The following PLEKHG1 variants were observed in gnomAD, a reference collection of about 807,000 sequenced individuals.
The protein encoded by PLEKHG1 is pleckstrin homology domain-containing family G member 1.
In PLEKHG1, 44 loss-of-function variants were observed where a neutral mutation model predicts 100.8. The observed-to-expected ratio is 0.44, with a 90% confidence interval of 0.34 to 0.56. PLEKHG1 has a LOEUF of 0.56. PLEKHG1 is among the 20% of genes least tolerant of loss of function. The pLI is 0.01. For missense variants in PLEKHG1, 1,545 were observed against 1,720.9 expected (o/e 0.90, Z 1.81); for synonymous variants, 640 against 662.5 (o/e 0.97, Z 0.52).
At chr6:150,649,915 G>A (rs563188384) in intron 2 of PLEKHG1, among the ~76,000 whole-genome samples, 19 of 152,308 alleles carry the variant, frequency 1.2e-4, no homozygotes, top group African/African-American at 4.6e-4. Context: ...GGGAGGCTGA[G>A]GCAGCAGAAT....
chr6:150,822,706 G>T (rs1230982932), intron 13 of PLEKHG1, among the ~76,000 whole-genome samples: 1 of 152,214 alleles, frequency 6.6e-6, no homozygotes, highest in Non-Finnish European at 1.5e-5. Flanking sequence ...CAGGCTGGGC[G>T]TGGTGGCTCA....
chr6:150,816,772 T>C (rs1336075789), intron 10 of PLEKHG1, among the ~76,000 whole-genome samples: 1 of 152,144 alleles, frequency 6.6e-6, no homozygotes, highest in Non-Finnish European at 1.5e-5. Context: ...AGCAATTGAT[T>C]TATTATGGTC....
intron 2 of PLEKHG1, among the ~76,000 whole-genome samples, chr6:150,750,283 T>A (rs78591108): frequency 0.027 from 4,154 of 152,236 alleles, 183 homozygotes; most frequent in African/African-American, 0.095. Flanking sequence ...GAGGAACAGC[T>A]GAAAACTAGG....
At chr6:150,614,151 T>C (rs992464808) in intron 1 of PLEKHG1, among the ~76,000 whole-genome samples, 4 of 152,210 alleles carry the variant, frequency 2.6e-5, no homozygotes, top group Non-Finnish European at 4.4e-5. Flanking sequence ...CCTACTTGAC[T>C]CACAATGTGG....
intron 5 of PLEKHG1, among the ~76,000 whole-genome samples, chr6:150,799,410 C>T (rs1430690696): frequency 6.6e-6 from 1 of 152,190 alleles, no homozygotes; most frequent in East Asian, 1.9e-4. Flanking sequence ...GAGCCACAAG[C>T]TCCCACACTC....
At chr6:150,748,033 A>G (rs1783261889) in intron 2 of PLEKHG1, among the ~76,000 whole-genome samples, 2 of 152,146 alleles carry the variant, frequency 1.3e-5, no homozygotes, top group Non-Finnish European at 2.9e-5. Flanking sequence ...CACCCAATAA[A>G]CAATAACTCC....
intron 1 of PLEKHG1, among the ~76,000 whole-genome samples, chr6:150,634,809 T>C (rs549980757): frequency 1.3e-5 from 2 of 152,356 alleles, no homozygotes; most frequent in Admixed American, 6.5e-5. Flanking sequence ...ATCATTTTCA[T>C]GCTTGTGGAT....
exon 16 of PLEKHG1, chr6:150,841,057 C>T (rs1262148172): frequency 7.1e-6 from 5 of 707,636 alleles, no homozygotes; most frequent in South Asian, 1.5e-5. Flanking sequence ...AAATGGCTGA[C>T]GATGCAGCCC....
At chr6:150,794,141 C>T (rs909925618) in intron 4 of PLEKHG1, among the ~76,000 whole-genome samples, 2 of 151,894 alleles carry the variant, frequency 1.3e-5, no homozygotes, top group African/African-American at 2.4e-5. Context: ...GGGGCTGTGC[C>T]GCACAGTGTG....
At chr6:150,692,439 A>G (rs956158981) in intron 3 of PLEKHG1, among the ~76,000 whole-genome samples, 15 of 152,176 alleles carry the variant, frequency 9.9e-5, no homozygotes, top group African/African-American at 3.6e-4. Context: ...TAATATGATC[A>G]TGGGCTGATG....
chr6:150,809,012 G>A (rs1787319350), intron 7 of PLEKHG1, 93 bp from the exon 9 acceptor site: 3 of 1,035,222 alleles, frequency 2.9e-6, no homozygotes, highest in Non-Finnish European at 4.3e-6. Flanking sequence ...GGGACGATTT[G>A]GCACCATTCT....
At chr6:150,700,244 G>GTGATCA (rs1207689661) in intron 3 of PLEKHG1, among the ~76,000 whole-genome samples, 4 of 152,206 alleles carry the variant, frequency 2.6e-5, no homozygotes, top group African/African-American at 9.7e-5. Flanking sequence ...TGATCTGGAA[G>GTGATCA]ATGCACAGTG....
intron 2 of PLEKHG1, among the ~76,000 whole-genome samples, chr6:150,743,148 A>G (rs756709912): frequency 3.3e-5 from 5 of 152,222 alleles, no homozygotes; most frequent in Non-Finnish European, 4.4e-5. Flanking sequence ...TCTGGCATGC[A>G]TTATGTATAA....
intron 12 of PLEKHG1, among the ~76,000 whole-genome samples, chr6:150,820,728 G>A (rs1776245721): frequency 6.6e-6 from 1 of 152,122 alleles, no homozygotes; most frequent in Non-Finnish European, 1.5e-5. Context: ...AGCCTGGCAT[G>A]TTGGCAGATA....
chr6:150,683,805 G>T lies in PLEKHG1; in HGVS notation c.-99+33019G>T. ...GGGGCGGAAGAGGCAGGAAACTGCT[G>T]CCTGGACAAATCGTGTTCTGGGCCA... On this transcript the variant is annotated intron_variant, in intron 3 of 3. Transcript: ENST00000367326. The surrounding 1 kb of genome is among the most constrained non-coding windows in gnomAD (Gnocchi z 4.0). 7.8e-7 allele frequency: 1 copy of T among 1,288,980 alleles called. No individual in the cohort carries two copies. The highest frequency in any genetic ancestry group is 1.0e-6 in the Non-Finnish European group (1 of 988,712). The allele number at this position is 1,288,980 out of a possible 1,614,324, so 79.8% of individuals were successfully genotyped here.
chr6:150,627,672 A>G (rs548053704), intron 1 of PLEKHG1, among the ~76,000 whole-genome samples: 3 of 152,372 alleles, frequency 2.0e-5, no homozygotes, highest in South Asian at 2.1e-4. Context: ...GAAAAATCCA[A>G]CGTTGACACA....
intron 2 of PLEKHG1, among the ~76,000 whole-genome samples, chr6:150,641,964 C>G (rs1046404447): frequency 4.5e-5 from 5 of 111,158 alleles, no homozygotes; most frequent in African/African-American, 1.8e-4. Context: ...TTTTTTTTTT[C>G]AAGTGATGTA....
intron 2 of PLEKHG1, among the ~76,000 whole-genome samples, chr6:150,646,249 C>G (rs1318422784): frequency 6.6e-6 from 1 of 151,896 alleles, no homozygotes; most frequent in East Asian, 1.9e-4. Context: ...GCTCTCCCCT[C>G]TCTTGTTCTT....
At chr6:150,778,868 A>C (rs749816896) in intron 3 of PLEKHG1, among the ~76,000 whole-genome samples, 8 of 152,160 alleles carry the variant, frequency 5.3e-5, no homozygotes, top group Non-Finnish European at 7.3e-5. Flanking sequence ...TTCTAGAAAA[A>C]GGTTGTAAAG....
Sources: gnomAD v4.1 joint callset for allele counts (sites outside exome capture counted in the v4.1 genomes callset) on GRCh38, gnomAD v4.1.1 for gene constraint, Gnocchi (gnomAD v3.1) non-coding constraint, MANE v1.5 for transcripts, NCBI Gene and HGNC (gene_info 2026-07-23, HGNC 2026-07-21) for gene names.